The following DPP8 variants were observed in gnomAD, a reference collection of about 807,000 sequenced individuals.
DPP8 encodes DPP VIII.
Under a neutral mutation model 107.5 loss-of-function variants are expected in DPP8, and 31 were observed. The ratio of observed to expected loss-of-function variants is 0.29; its 90% CI spans 0.22 to 0.39. The LOEUF (loss-of-function observed/expected upper bound fraction) is 0.39. Among genes scored for constraint, DPP8 ranks in the 10% least tolerant of loss-of-function variants. The probability of loss-of-function intolerance (pLI) is 1.00; values close to 1 mark genes in which losing one functional copy is unlikely to be tolerated. For missense variants in DPP8, 842 were observed against 1,076.1 expected (o/e 0.78, Z 3.04); for synonymous variants, 381 against 356.6 (o/e 1.07, Z -0.77).
At chr15:65,464,270 G>A (rs1287388263) in intron 14 of DPP8, among the ~76,000 whole-genome samples, 1 of 152,204 alleles carries the variant, frequency 6.6e-6, no homozygotes, top group African/African-American at 2.4e-5. Flanking sequence ...GGCTGAGGCA[G>A]GAGAAGGGTG....
intron 7 of DPP8, among the ~76,000 whole-genome samples, chr15:65,486,889 C>T (rs528753721): frequency 3.3e-5 from 5 of 152,084 alleles, no homozygotes; most frequent in East Asian, 1.9e-4. Context: ...GTACACTGCT[C>T]GGGTGACGGG....
At chr15:65,469,126 C>T (rs1294173528) in intron 12 of DPP8, among the ~76,000 whole-genome samples, 1 of 152,008 alleles carries the variant, frequency 6.6e-6, no homozygotes, top group Non-Finnish European at 1.5e-5. Flanking sequence ...CAGGCATGTA[C>T]CACCACGCCT....
chr15:65,508,473 A>G (rs183132276), intron 2 of DPP8, among the ~76,000 whole-genome samples: 1 of 152,258 alleles, frequency 6.6e-6, no homozygotes, highest in East Asian at 1.9e-4. Flanking sequence ...AGTGAGTTAC[A>G]TATAAAAGAT....
intron 16 of DPP8, 117 bp downstream of exon 16, chr15:65,456,108 A>ATT (rs77392210): frequency 8.7e-7 from 1 of 1,142,886 alleles, no homozygotes; most frequent in East Asian, 2.4e-5. Context: ...TAACACATAC[A>ATT]CTCTCACTCA....
At chr15:65,447,083 G>C (rs184767704) in intron 19 of DPP8, 77 bp from the exon 20 acceptor site, 1 of 1,168,930 alleles carries the variant, frequency 8.6e-7, no homozygotes, top group Non-Finnish European at 1.2e-6. Context: ...GCTTTCCAGA[G>C]ATTTTTAACA....
At chr15:65,502,741 G>C (rs1277968277) in intron 3 of DPP8, 2 of 151,810 alleles carry the variant, frequency 1.3e-5, no homozygotes, top group Non-Finnish European at 2.9e-5. Flanking sequence ...TTAAAAAATA[G>C]GCTGACCCAA....
rs762516157 is a variant in DPP8, at chr15:65,442,721, T to C, written c.*4163A>G. ...TTTTGGGGTTACTTAAAAACAAACA[T>C]ACAAACACTACTTTTTCTTTATCTG... On this transcript the variant is annotated 3_prime_UTR_variant, in exon 20 of 20. Transcript: ENST00000300141. The C allele has an allele frequency of 1.3e-5, 2 of 152,314 alleles. No individual in the cohort carries two copies. The highest frequency in any genetic ancestry group is 2.4e-5 in the African/African-American group (1 of 41,558). 9.4% of individuals were successfully genotyped at this position (152,314 alleles called of 1,614,324 possible). A position where few individuals can be genotyped will look rare whatever the true frequency, so the allele number is the denominator to read the frequency against.
At chr15:65,491,160 CAAAAAAAA>C (rs764574499) in intron 5 of DPP8, among the ~76,000 whole-genome samples, 2 of 55,008 alleles carry the variant, frequency 3.6e-5, no homozygotes, top group Non-Finnish European at 7.3e-5. Flanking sequence ...GACTCCGTCT[CAAAAAAAA>C]AAAAAAAAAA....
chr15:65,454,485 GATAA>G, intron 16 of DPP8, 70 bp from the exon 17 acceptor site: 1 of 1,374,598 alleles, frequency 7.3e-7, no homozygotes, highest in Non-Finnish European at 9.8e-7. Context: ...TTTCAAAGAT[GATAA>G]ATGTTTTTAC....
chr15:65,444,999 T>A lies in DPP8; in HGVS notation c.*1885A>T, dbSNP rs1016011617. Reference sequence around the variant, plus strand: ...AATCAATTTAATTTAACATTGAAAATATATATAAACAAATCTTGGCATGGG... The same window carrying A: ...AATCAATTTAATTTAACATTGAAAAAATATATAAACAAATCTTGGCATGGG... On this transcript the variant is annotated 3_prime_UTR_variant, in exon 20 of 20. Coordinates refer to ENST00000300141, the MANE Select transcript of DPP8 (RefSeq NM_130434.5). The A allele has an allele frequency of 1.3e-5, 2 of 152,072 alleles. No individual in the cohort carries two copies. Among genetic ancestry groups the A allele is most frequent in the African/African-American group, 2.4e-5 (1 of 41,396 alleles). The allele number at this position is 152,072 out of a possible 1,614,324, so 9.4% of individuals were successfully genotyped here.
intron 11 of DPP8, among the ~76,000 whole-genome samples, chr15:65,478,394 A>C (rs2066600473): frequency 6.6e-6 from 1 of 152,078 alleles, no homozygotes; most frequent in Non-Finnish European, 1.5e-5. Context: ...GAGTAAGCTA[A>C]GACTACAGGT....
rs1012639819 is a variant in DPP8, at chr15:65,443,464, A to G, written c.*3420T>C. The stretch of plus-strand genomic sequence containing the variant: ...GAACTATGCTATAGAAAGGCGGGCT[A>G]TACTTTCTGGAAGGAATAAAACAAG... On this transcript the variant is annotated 3_prime_UTR_variant, in exon 20 of 20. Coordinates refer to ENST00000300141, the MANE Select transcript of DPP8 (RefSeq NM_130434.5). 1.3e-5 allele frequency: 2 copies of G among 150,178 alleles called. No homozygotes were observed. The highest frequency in any genetic ancestry group is 2.9e-5 in the Non-Finnish European group (2 of 67,880). 9.3% of individuals were successfully genotyped at this position (150,178 alleles called of 1,614,324 possible).
chr15:65,467,492 TC>T (rs1236523275), intron 12 of DPP8, among the ~76,000 whole-genome samples: 2 of 152,108 alleles, frequency 1.3e-5, no homozygotes, highest in Non-Finnish European at 2.9e-5. Context: ...AGCTATACTC[TC>T]ACCCCAGCCT....
At chr15:65,516,064 G>A (rs1337915705) in intron 1 of DPP8, 8 of 365,004 alleles carry the variant, frequency 2.2e-5, no homozygotes, top group Non-Finnish European at 3.9e-5. Flanking sequence ...CCATGGAAAG[G>A]CTTTAAAAAG....
intron 16 of DPP8, 115 bp downstream of exon 16, chr15:65,456,110 T>TCA: frequency 8.2e-7 from 1 of 1,224,552 alleles, no homozygotes; most frequent in South Asian, 1.4e-5. Flanking sequence ...ACACATACAC[T>TCA]CTCACTCACT....
At chr15:65,514,746 A>C (rs1257356893) in intron 1 of DPP8, among the ~76,000 whole-genome samples, 2 of 152,066 alleles carry the variant, frequency 1.3e-5, no homozygotes, top group Admixed American at 1.3e-4. Context: ...TCCTGACCTC[A>C]TGATCCACCC....
chr15:65,505,778 C>T (rs202167406), intron 3 of DPP8, among the ~76,000 whole-genome samples: 7 of 151,386 alleles, frequency 4.6e-5, no homozygotes, highest in African/African-American at 1.5e-4. Context: ...GATGAAACCC[C>T]GTCTCTACTG....
At chr15:65,486,576 G>A (rs930356926) in intron 7 of DPP8, among the ~76,000 whole-genome samples, 1 of 151,770 alleles carries the variant, frequency 6.6e-6, no homozygotes, top group Non-Finnish European at 1.5e-5. Flanking sequence ...TAAAAATGAG[G>A]TGCTTGCCCA....
intron 3 of DPP8, among the ~76,000 whole-genome samples, chr15:65,504,807 C>T (rs778308135): frequency 2.6e-5 from 4 of 151,636 alleles, no homozygotes; most frequent in Non-Finnish European, 5.9e-5. Flanking sequence ...CACAGTGAGA[C>T]CCTGTCTCTA....
Sources: gnomAD v4.1 joint callset for allele counts (sites outside exome capture counted in the v4.1 genomes callset) on GRCh38, gnomAD v4.1.1 for gene constraint, MANE v1.5 for transcripts, NCBI Gene and HGNC (gene_info 2026-07-23, HGNC 2026-07-21) for gene names.